DMTN: variants seen among roughly 807,000 people sequenced by gnomAD.
The protein encoded by DMTN is dematin actin binding protein.
DMTN carries 27 observed loss-of-function variants against 59.4 expected under a neutral mutation model. The ratio of observed to expected loss-of-function variants is 0.45; its 90% CI spans 0.33 to 0.63. The LOEUF (loss-of-function observed/expected upper bound fraction) is 0.63. Among genes scored for constraint, DMTN ranks in the 20% least tolerant of loss-of-function variants. The pLI is 0.02. For synonymous variants in DMTN, 221 were observed against 203.7 expected (o/e 1.08, Z -0.72); for missense variants, 451 against 528.9 (o/e 0.85, Z 1.45).
rs1824775851 is a variant in DMTN at position 22,082,480 on chromosome 8, G to A, written c.*1017G>A. On this transcript the variant is annotated 3_prime_UTR_variant, in exon 16 of 16. Transcript: ENST00000358242. ...TCCACTGTGTGTGTGACCATGCTGG[G>A]GGAGGGGGACTCTGCTTGGAATTAA... The A allele has an allele frequency of 6.6e-6, 2 of 305,146 alleles. No individual in the cohort carries two copies. The highest frequency in any genetic ancestry group is 8.5e-5 in the Admixed American group (2 of 23,414). The allele number at this position is 305,146 out of a possible 1,614,324, so 18.9% of individuals were successfully genotyped here. A position where few individuals can be genotyped will look rare whatever the true frequency, so the allele number is the denominator to read the frequency against.
upstream of DMTN, among the ~76,000 whole-genome samples, chr8:22,054,124 A>ACAC (rs1801701591): frequency 6.6e-6 from 1 of 151,620 alleles, no homozygotes; most frequent in South Asian, 2.1e-4. Context: ...ACACACACAC[A>ACAC]GACACACACA....
At chr8:22,061,184 G>A (rs1248852193) in intron 1 of DMTN, among the ~76,000 whole-genome samples, 1 of 151,578 alleles carries the variant, frequency 6.6e-6, no homozygotes, top group Non-Finnish European at 1.5e-5. Flanking sequence ...TCGGGAGACT[G>A]AGGCAGGAGA....
chr8:22,051,695 C>A (rs542871803), upstream of DMTN, among the ~76,000 whole-genome samples: 9 of 152,284 alleles, frequency 5.9e-5, no homozygotes, highest in East Asian at 1.7e-3. Context: ...CGCCTCCTTG[C>A]GCGTGACTGC....
upstream of DMTN, among the ~76,000 whole-genome samples, chr8:22,052,668 A>T (rs1474626963): frequency 1.3e-5 from 2 of 152,180 alleles, no homozygotes; most frequent in Non-Finnish European, 2.9e-5. Context: ...CACATGACAT[A>T]ACAAAGCAAC....
Position 22,082,185 on chromosome 8 carries a change from C to T in DMTN, c.*722C>T, listed in dbSNP as rs781758327. On this transcript the variant is annotated 3_prime_UTR_variant, in exon 16 of 16. Coordinates refer to ENST00000358242, the MANE Select transcript of DMTN (RefSeq NM_001387751.1). ...GGCACCGGGCAGAAGCTGGGCCTTC[C>T]GCCTCCCTTGGATGGGGTCAAGAGG... 7.2e-5 allele frequency: 33 copies of T among 456,762 alleles called. No individual in the cohort carries two copies. Among genetic ancestry groups the T allele is most frequent in the East Asian group, 1.4e-4 (2 of 14,396 alleles). 28.3% of individuals were successfully genotyped at this position (456,762 alleles called of 1,614,324 possible). A position where few individuals can be genotyped will look rare whatever the true frequency, so the allele number is the denominator to read the frequency against.
At chr8:22,053,109 C>T (rs146624630), upstream of DMTN, among the ~76,000 whole-genome samples, 2 of 152,226 alleles carry the variant, frequency 1.3e-5, no homozygotes, top group East Asian at 1.9e-4. Context: ...AGAATCAAGG[C>T]GGCAAAATGG....
At chr8:22,053,149 C>T (rs1015679401), upstream of DMTN, among the ~76,000 whole-genome samples, 4 of 152,142 alleles carry the variant, frequency 2.6e-5, no homozygotes, top group African/African-American at 4.8e-5. Context: ...GGGAATAGTC[C>T]GTCTACTTGG....
intron 12 of DMTN, 63 bp downstream of exon 12, chr8:22,080,523 G>A (rs560018962): frequency 1.7e-5 from 27 of 1,613,836 alleles, no homozygotes; most frequent in South Asian, 4.4e-5. Flanking sequence ...CTGGGCAGCC[G>A]GGGTCTGGGC....
intron 1 of DMTN, among the ~76,000 whole-genome samples, chr8:22,065,928 T>A (rs1385667227): frequency 7.0e-6 from 1 of 143,764 alleles, no homozygotes; most frequent in African/African-American, 2.6e-5. Context: ...GCAGCCTCGA[T>A]CTCCTGGGCT....
At position 22,072,341 on chromosome 8, in the gene DMTN, A is replaced by T. The variant is rs1816207726; in HGVS notation, c.620A>T (p.Lys207Met). Residue 207 changes from lysine to methionine, a missense_variant, in exon 9 of 16, where the codon AAG becomes ATG. Transcript: ENST00000358242. Reference protein sequence around the residue: ...SLAVVETEWRKRKASRRGAEE... With the variant: ...SLAVVETEWRMRKASRRGAEE... ...TGTCTCCTAGAGACAGAATGGAGGAAGCGGAAGGCGTCTCGGAGGGGAGCA... is the reference window on the plus strand; with the variant it reads ...TGTCTCCTAGAGACAGAATGGAGGATGCGGAAGGCGTCTCGGAGGGGAGCA... The T allele has an allele frequency of 6.2e-7, 1 of 1,601,864 alleles. No homozygotes were observed. The highest frequency in any genetic ancestry group is 1.3e-5 in the African/African-American group (1 of 74,524).
chr8:22,062,318 G>A (rs1008042735), intron 1 of DMTN, among the ~76,000 whole-genome samples: 3 of 151,920 alleles, frequency 2.0e-5, no homozygotes, highest in Admixed American at 6.5e-5. Flanking sequence ...GGCTGGTGTC[G>A]AATTCCTGGG....
intron 1 of DMTN, among the ~76,000 whole-genome samples, chr8:22,062,771 A>G (rs1807576924): frequency 6.6e-6 from 1 of 150,720 alleles, no homozygotes; most frequent in Non-Finnish European, 1.5e-5. Flanking sequence ...CTTGGCTTCC[A>G]TGATGTTCTA....
rs117220779 is a variant in DMTN at position 22,067,887 on chromosome 8, T to C, written c.249+205T>C. Among the ~76,000 whole-genome samples the C allele has an allele frequency of 2.1e-4, 32 of 152,248 alleles. No individual in the cohort carries two copies. The East Asian group carries it at 6.0e-3, about 28-fold the overall frequency. On this transcript the variant is annotated intron_variant, in intron 4 of 15. Transcript: ENST00000358242. ...TCTCTGGGCTGGCATGTGGCTCAGA[T>C]GTAGAGGGGTGGACACCTTTGGATG...
At position 22,072,344 on chromosome 8, in the gene DMTN, G is replaced by A. The variant is rs748969124; in HGVS notation, c.623G>A (p.Arg208Gln). Reference sequence around the variant, plus strand: ...CTCCTAGAGACAGAATGGAGGAAGCGGAAGGCGTCTCGGAGGGGAGCAGAG... The same window carrying A: ...CTCCTAGAGACAGAATGGAGGAAGCAGAAGGCGTCTCGGAGGGGAGCAGAG... The part of the protein sequence containing the change: ...LAVVETEWRK[R>Q]KASRRGAEEE... The change falls in exon 9 of 16, where the codon CGG (arginine) becomes CAG (glutamine). Residue 208 changes from arginine to glutamine, a missense_variant. Physicochemically the swap from Arg to Gln is conservative, Grantham distance 43. Coordinates refer to ENST00000358242, the MANE Select transcript of DMTN (RefSeq NM_001387751.1). 42 of 1,602,878 alleles carry A rather than the reference G, an allele frequency of 2.6e-5. No homozygotes were observed. The highest frequency in any genetic ancestry group is 1.0e-4 in the Admixed American group (6 of 58,834).
chr8:22,071,095 TTTA>T (rs771066081), intron 8 of DMTN, among the ~76,000 whole-genome samples: 4 of 20,422 alleles, frequency 2.0e-4, no homozygotes, highest in East Asian at 0.12. Context: ...TATTTATTTA[TTTA>T]TTTATTTATT....
chr8:22,065,826 CCT>C (rs1491486267), intron 1 of DMTN, among the ~76,000 whole-genome samples: 2 of 98,010 alleles, frequency 2.0e-5, no homozygotes, highest in African/African-American at 7.3e-5. Flanking sequence ...CAGAGCAAGA[CCT>C]TTTTTTTTTT....
chr8:22,082,311 G>C lies in DMTN; in HGVS notation c.*848G>C, dbSNP rs541120046. The C allele has an allele frequency of 1.1e-5, 5 of 445,346 alleles. No individual in the cohort carries two copies. In the East Asian group the frequency reaches 2.1e-4, roughly 19 times the overall value. The allele number at this position is 445,346 out of a possible 1,614,324, so 27.6% of individuals were successfully genotyped here. ...TCTCTCAAGAATGTAATTTATTGGG[G>C]CCCCCCCAGCTGCTTTCCTCACCTG... On this transcript the variant is annotated 3_prime_UTR_variant, in exon 16 of 16. Coordinates refer to ENST00000358242, the MANE Select transcript of DMTN (RefSeq NM_001387751.1).
rs759743665 is a variant in DMTN at position 22,081,074 on chromosome 8, A to G, written c.1024-39A>G. Reference sequence around the variant, plus strand: ...GGCCTAGGGAGTCGAAGGACAGGATATTCTGTGAGCCTAAGATTGCCCCTC... The same window carrying G: ...GGCCTAGGGAGTCGAAGGACAGGATGTTCTGTGAGCCTAAGATTGCCCCTC... On this transcript the variant is annotated intron_variant, in intron 14 of 15. Coordinates refer to ENST00000358242, the MANE Select transcript of DMTN (RefSeq NM_001387751.1). 3.2e-6 allele frequency: 5 copies of G among 1,541,422 alleles called. No homozygotes were observed. In the Admixed American group the frequency reaches 8.4e-5, roughly 26 times the overall value.
intron 10 of DMTN, among the ~76,000 whole-genome samples, chr8:22,076,036 CGTGG>C (rs1819536593): frequency 6.6e-6 from 1 of 152,066 alleles, no homozygotes; most frequent in Non-Finnish European, 1.5e-5. Flanking sequence ...GCTGATTGGA[CGTGG>C]GAGGTGCAAG....
Sources: allele counts gnomAD v4.1 joint callset (sites outside exome capture counted in the v4.1 genomes callset), GRCh38; gene constraint gnomAD v4.1.1; transcripts MANE v1.5; gene names NCBI Gene and HGNC (gene_info 2026-07-23, HGNC 2026-07-21).